TMBIM6: variants seen among roughly 807,000 people sequenced by gnomAD.
TMBIM6 encodes the protein bax inhibitor 1.
In TMBIM6, 13 loss-of-function variants were observed where a neutral mutation model predicts 31.4. The ratio of observed to expected loss-of-function variants is 0.41; its 90% CI spans 0.27 to 0.66. The LOEUF (loss-of-function observed/expected upper bound fraction) is 0.66. Ranked by LOEUF, TMBIM6 falls within the 30% of genes least tolerant of loss-of-function variation. The probability of loss-of-function intolerance (pLI) is 0.28; values close to 1 mark genes in which losing one functional copy is unlikely to be tolerated. For missense variants in TMBIM6, 275 were observed against 289.5 expected, an observed-to-expected ratio of 0.95 and a Z score of 0.36; for synonymous variants, 85 against 101.7, an observed-to-expected ratio of 0.84 and a Z score of 0.99.
chr12:49,747,532 C>T (rs1040033179), intron 1 of TMBIM6, among the ~76,000 whole-genome samples: 4 of 152,144 alleles, frequency 2.6e-5, no homozygotes, highest in African/African-American at 9.7e-5. Context: ...TGGTCTGGAA[C>T]TCCTGGGCTC....
intron 4 of TMBIM6, among the ~76,000 whole-genome samples, chr12:49,756,037 G>A (rs1325694227): frequency 6.6e-6 from 1 of 151,946 alleles, no homozygotes; most frequent in African/African-American, 2.4e-5. Flanking sequence ...GTTTCATCGT[G>A]TTAGCCAGGA....
intron 1 of TMBIM6, chr12:49,743,656 G>A (rs1198009423): frequency 2.0e-5 from 3 of 152,166 alleles, no homozygotes; most frequent in African/African-American, 7.2e-5. Flanking sequence ...TGAAAATGCA[G>A]AAAAATGTCA....
At position 49,753,129 on chromosome 12, in the gene TMBIM6, G is replaced by A. The variant is rs1565920021; in HGVS notation, c.165+48G>A. On this transcript the variant is annotated intron_variant, in intron 3 of 9. Coordinates refer to ENST00000267115, the MANE Select transcript of TMBIM6 (RefSeq NM_003217.3). ...GTTGCTGTGGTACAAATTACATTAG[G>A]AAAAAACCAGCTCAGCAAGGTGGTC... 3.3e-6 allele frequency: 5 copies of A among 1,526,158 alleles called. No homozygotes were observed. The South Asian group carries it at 5.8e-5, about 18-fold the overall frequency. The allele number at this position is 1,526,158 out of a possible 1,614,324, so 94.5% of individuals were successfully genotyped here. A position where few individuals can be genotyped will look rare whatever the true frequency, so the allele number is the denominator to read the frequency against.
At chr12:49,759,854 T>C (rs1945680068) in intron 8 of TMBIM6, among the ~76,000 whole-genome samples, 1 of 147,408 alleles carries the variant, frequency 6.8e-6, no homozygotes, top group Admixed American at 6.8e-5. Context: ...GGCTCACGCC[T>C]GTAATCCCAG....
intron 4 of TMBIM6, among the ~76,000 whole-genome samples, chr12:49,757,101 A>G (rs989969160): frequency 9.2e-5 from 14 of 151,910 alleles, no homozygotes; most frequent in African/African-American, 3.1e-4. Context: ...TCCTGACCTC[A>G]GGTAATCTAC....
Position 49,742,281 on chromosome 12 carries a change from G to C in TMBIM6, c.-31+670G>C, listed in dbSNP as rs199751408. 120 of 1,585,966 alleles carry C rather than the reference G, an allele frequency of 7.6e-5. No homozygotes were observed. The Middle Eastern group carries it at 1.2e-3, about 16-fold the overall frequency. ...TTTCGGATTGGTTACCTTTGGGCAG[G>C]TGAGGTGGCTTTGCTTTGCTTGGTC... On this transcript the variant is annotated intron_variant, in intron 1 of 9. Transcript: ENST00000267115.
chr12:49,743,826 A>C (rs910092461), intron 1 of TMBIM6, among the ~76,000 whole-genome samples: 2 of 152,204 alleles, frequency 1.3e-5, no homozygotes, highest in African/African-American at 2.4e-5. Flanking sequence ...GAAGACCCCA[A>C]ATCTGGTTCT....
chr12:49,741,822 G>C (rs1325211623), intron 1 of TMBIM6: 7 of 381,304 alleles, frequency 1.8e-5, no homozygotes, highest in East Asian at 1.3e-4. Context: ...GTGCTGAAGC[G>C]GGGGTGGGGC....
At chr12:49,760,065 T>C (rs1190749786) in intron 8 of TMBIM6, among the ~76,000 whole-genome samples, 1 of 148,936 alleles carries the variant, frequency 6.7e-6, no homozygotes, top group Non-Finnish European at 1.5e-5. Context: ...TGAGCGGAGA[T>C]TGCACCACTG....
intron 7 of TMBIM6, 56 bp downstream of exon 7, chr12:49,758,818 CTTTT>C (rs57007895): frequency 5.4e-4 from 624 of 1,158,626 alleles, no homozygotes; most frequent in Middle Eastern, 9.4e-4. Context: ...TCTTTCTTTC[CTTTT>C]TTTTTTTTTT....
intron 7 of TMBIM6, 65 bp from the exon 8 acceptor site, chr12:49,759,156 T>A: frequency 7.3e-7 from 1 of 1,374,542 alleles, no homozygotes. Context: ...AGCCAGAAAG[T>A]ATGGCTGGTT....
At position 49,752,490 on chromosome 12, in the gene TMBIM6, A is replaced by G. The variant is rs1198398656; in HGVS notation, c.-4A>G. 1 of 1,613,482 alleles carries G rather than the reference A, an allele frequency of 6.2e-7. No homozygotes were observed. The highest frequency in any genetic ancestry group is 1.1e-5 in the South Asian group (1 of 91,022). ...GTGGAGACTGCTGCACGGACTCTGG[A>G]ACCATGAACATATTTGATCGAAAGA... On this transcript the variant is annotated 5_prime_UTR_variant, in exon 2 of 10. Transcript: ENST00000267115.
chr12:49,742,413 A>AGTAAT, intron 1 of TMBIM6: 3 of 1,238,984 alleles, frequency 2.4e-6, no homozygotes, highest in Non-Finnish European at 1.1e-6. Flanking sequence ...AGGCTTTGGT[A>AGTAAT]TCTTTGTATA....
At chr12:49,760,533 C>CTTTTT (rs35862867) in intron 8 of TMBIM6, among the ~76,000 whole-genome samples, 7 of 93,514 alleles carry the variant, frequency 7.5e-5, no homozygotes, top group East Asian at 3.3e-4. Context: ...TGCCCAGCCA[C>CTTTTT]TTTTTTTTTT....
At chr12:49,746,729 A>G (rs1035352130) in intron 1 of TMBIM6, among the ~76,000 whole-genome samples, 7 of 152,236 alleles carry the variant, frequency 4.6e-5, no homozygotes, top group Non-Finnish European at 7.3e-5. Context: ...ATTACTCAGT[A>G]GTAAAAACTA....
At chr12:49,741,914 C>A in intron 1 of TMBIM6, 1 of 679,154 alleles carries the variant, frequency 1.5e-6, no homozygotes, top group Non-Finnish European at 2.3e-6. Flanking sequence ...CTTCTCAGCC[C>A]GCCTTTTCCT....
intron 8 of TMBIM6, among the ~76,000 whole-genome samples, chr12:49,760,418 T>C (rs543931719): frequency 6.6e-6 from 1 of 152,198 alleles, no homozygotes; most frequent in African/African-American, 2.4e-5. Flanking sequence ...GCCAGGCTAA[T>C]TTATTTTTTG....
intron 1 of TMBIM6, among the ~76,000 whole-genome samples, chr12:49,746,731 TA>T (rs1209776145): frequency 6.6e-6 from 1 of 151,930 alleles, no homozygotes; most frequent in African/African-American, 2.4e-5. Flanking sequence ...TACTCAGTAG[TA>T]AAAACTAATG....
At chr12:49,749,435 A>ATTTT (rs372622355) in intron 1 of TMBIM6, among the ~76,000 whole-genome samples, 2 of 136,434 alleles carry the variant, frequency 1.5e-5, no homozygotes, top group Middle Eastern at 3.7e-3. Flanking sequence ...TTTGTAAGTC[A>ATTTT]TTTTTGTTTT....
Sources: gnomAD v4.1 joint callset for allele counts (sites outside exome capture counted in the v4.1 genomes callset) on GRCh38, gnomAD v4.1.1 for gene constraint, MANE v1.5 for transcripts, NCBI Gene and HGNC (gene_info 2026-07-23, HGNC 2026-07-21) for gene names.